The following BRCA1 variants were observed in gnomAD, a reference collection of about 807,000 sequenced individuals.
The protein encoded by BRCA1 is breast cancer type 1 susceptibility protein.
BRCA1 carries 140 observed loss-of-function variants against 173.7 expected under a neutral mutation model. That is an observed-to-expected ratio of 0.81 (90% CI 0.70 to 0.93). The LOEUF (loss-of-function observed/expected upper bound fraction) is 0.93, where lower values mean the gene tolerates loss of function less well. BRCA1 is among the 40% of genes least tolerant of loss of function. BRCA1 has a pLI of 0.00. For missense variants in BRCA1, 1,983 were observed against 2,172.5 expected (o/e 0.91, Z 1.73); for synonymous variants, 662 against 756.0 (o/e 0.88, Z 2.04).
intron 12 of BRCA1, among the ~76,000 whole-genome samples, chr17:43,081,707 C>A (rs1303896858): frequency 6.6e-6 from 1 of 152,174 alleles, no homozygotes; most frequent in South Asian, 2.1e-4. Flanking sequence ...TTCCATCTCA[C>A]TTTCCTTCAT....
Position 43,093,184 on chromosome 17 carries a change from T to C in BRCA1, c.2347A>G (p.Ile783Val), listed in dbSNP as rs80356948. 1.1e-5 allele frequency: 18 copies of C among 1,613,836 alleles called. No homozygotes were observed. The East Asian group carries it at 3.6e-4, about 32-fold the overall frequency. The change falls in exon 10 of 23, where the codon ATC (isoleucine) becomes GTC (valine). Residue 783 changes from isoleucine to valine, a missense_variant. By Grantham distance (29) the Ile-to-Val change is conservative (BLOSUM62 3). Transcript: ENST00000357654. ...PGTDYGTQESISLLEVSTLGK... is the reference protein window; with the variant it reads ...PGTDYGTQESVSLLEVSTLGK... ...AGAGTGCTAACTTCCAGTAACGAGA[T>C]ACTTTCCTGAGTGCCATAATCAGTA...
intron 3 of BRCA1, among the ~76,000 whole-genome samples, chr17:43,107,209 C>T (rs1175335600): frequency 7.3e-5 from 11 of 151,530 alleles, no homozygotes; most frequent in Admixed American, 5.3e-4. Flanking sequence ...GGACTACAGG[C>T]GCCCAGCACC....
At chr17:43,068,124 A>C (rs1296013437) in intron 15 of BRCA1, among the ~76,000 whole-genome samples, 3 of 151,774 alleles carry the variant, frequency 2.0e-5, no homozygotes, top group Admixed American at 2.0e-4. Flanking sequence ...AAAAATACAA[A>C]AAATTAGCCA....
chr17:43,107,490 C>T (rs1021363762), intron 3 of BRCA1, among the ~76,000 whole-genome samples: 6 of 151,216 alleles, frequency 4.0e-5, no homozygotes, highest in Admixed American at 6.6e-5. Flanking sequence ...AAGCAATTCT[C>T]GTGCCTCAGC....
At chr17:43,055,207 GGCTAAGTCATCT>G (rs1411280876) in intron 19 of BRCA1, among the ~76,000 whole-genome samples, 5 of 152,342 alleles carry the variant, frequency 3.3e-5, no homozygotes, top group Admixed American at 2.6e-4. Context: ...TCAGAGTTCT[GGCTAAGTCATCT>G]GCTACAATAT....
intron 15 of BRCA1, among the ~76,000 whole-genome samples, chr17:43,068,006 G>A (rs8176232): frequency 9.6e-4 from 145 of 151,568 alleles, no homozygotes; most frequent in African/African-American, 3.1e-3. Context: ...GGCTGGGCGC[G>A]GTGGCTCACG....
At position 43,143,378 on chromosome 17, in the gene BRCA1, A is replaced by G. The variant is rs1298935952; in HGVS notation, c.-19-19263T>C. On this transcript the variant is annotated intron_variant, in intron 1 of 7. Transcript: ENST00000634433. The stretch of plus-strand genomic sequence containing the variant: ...AAAGAACAGGTGTCTTTTGTCTGAC[A>G]TCAGCAAACTCATGGAAACCGATGG... 2.0e-5 allele frequency among the ~76,000 whole-genome samples: 3 copies of G among 152,158 alleles called. No homozygotes were observed. The East Asian group carries it at 5.8e-4, about 29-fold the overall frequency.
intron 1 of BRCA1, chr17:43,166,343 A>T (rs982333637): frequency 6.6e-6 from 1 of 152,286 alleles, no homozygotes; most frequent in African/African-American, 2.4e-5. Flanking sequence ...GGGGGTCTAA[A>T]ACCAGCTCTA....
At chr17:43,154,289 G>T (rs1444077321) in intron 1 of BRCA1, among the ~76,000 whole-genome samples, 1 of 151,820 alleles carries the variant, frequency 6.6e-6, no homozygotes, top group Non-Finnish European at 1.5e-5. Context: ...TTCGAGACCA[G>T]CCTGGCCAAC....
rs765729710 is a variant in BRCA1 at position 43,091,593 on chromosome 17, T to C, written c.3938A>G (p.Gln1313Arg). ...LEDLTANTNTQDPFLIGSSKQ... is the reference protein window; with the variant it reads ...LEDLTANTNTRDPFLIGSSKQ... Reference sequence around the variant, plus strand: ...GGAAGAACCAATCAAGAAAGGATCCTGGGTGTTTGTATTTGCAGTCAAGTC... The same window carrying C: ...GGAAGAACCAATCAAGAAAGGATCCCGGGTGTTTGTATTTGCAGTCAAGTC... Residue 1313 changes from glutamine to arginine, a missense_variant, in exon 10 of 23, where the codon CAG (glutamine) becomes CGG (arginine). Physicochemically the swap from Gln to Arg is conservative, Grantham distance 43 (BLOSUM62 1). Transcript: ENST00000357654. The C allele has an allele frequency of 2.5e-6, 4 of 1,614,214 alleles. No individual in the cohort carries two copies. Among genetic ancestry groups the C allele is most frequent in the African/African-American group, 1.3e-5 (1 of 75,048 alleles).
rs80356854 is a variant in BRCA1, at chr17:43,057,052, C to T, written c.5277G>A (p.Lys1759=). The part of the protein sequence containing the change: ...PKRARESQDR[K]IFRGLEICCY... ...GTCAACTTGAGGGAGGGAGCTTTAC[C>T]TTTCTGTCCTGGGATTCTCTTGCTC... The change falls in exon 19 of 23, where the codon AAG becomes AAA. Residue 1759 remains lysine, a splice_region_variant and synonymous_variant. Transcript: ENST00000357654. The T allele has an allele frequency of 3.7e-6, 6 of 1,613,962 alleles. No individual in the cohort carries two copies. The South Asian group carries it at 6.6e-5, about 18-fold the overall frequency.
At position 43,093,680 on chromosome 17, in the gene BRCA1, G is replaced by C. The variant is rs1555591097; in HGVS notation, c.1851C>G (p.Thr617=). The C allele has an allele frequency of 6.2e-7, 1 of 1,614,044 alleles. No homozygotes were observed. The highest frequency in any genetic ancestry group is 8.5e-7 in the Non-Finnish European group (1 of 1,179,996). ...KKNRLRRKSS[T]RHIHALELVV... ...CTAGTTCAAGCGCATGAATATGCCT[G>C]GTAGAAGACTTCCTCCTCAGCCTAT... Residue 617 remains threonine, a synonymous_variant, in exon 10 of 23, where the codon ACC becomes ACG. Transcript: ENST00000357654.
intron 14 of BRCA1, among the ~76,000 whole-genome samples, chr17:43,072,718 C>A (rs570578083): frequency 6.6e-6 from 1 of 151,810 alleles, no homozygotes; most frequent in African/African-American, 2.4e-5. Context: ...GCATAAGCCA[C>A]CAAGCCTGGC....
intron 1 of BRCA1, chr17:43,138,343 T>C: frequency 2.3e-6 from 1 of 437,468 alleles, no homozygotes; most frequent in Non-Finnish European, 4.2e-6. Flanking sequence ...AGTGAAAACA[T>C]TCCAGAACAA....
chr17:43,111,737 G>T (rs1019962519), intron 3 of BRCA1, among the ~76,000 whole-genome samples: 3 of 152,030 alleles, frequency 2.0e-5, no homozygotes, highest in African/African-American at 7.2e-5. Context: ...CAGGAGAATG[G>T]TGTGAACCCG....
At chr17:43,135,875 C>T (rs2056017212) in intron 1 of BRCA1, among the ~76,000 whole-genome samples, 1 of 152,222 alleles carries the variant, frequency 6.6e-6, no homozygotes, top group Admixed American at 6.5e-5. Context: ...GCGGTCCCGC[C>T]TCCCATCCCC....
At chr17:43,137,283 G>T (rs1294375785) in intron 1 of BRCA1, among the ~76,000 whole-genome samples, 1 of 117,466 alleles carries the variant, frequency 8.5e-6, no homozygotes, top group Non-Finnish European at 1.7e-5. Context: ...ATTGTGGGGT[G>T]GGGGGAGGGG....
Position 43,094,815 on chromosome 17 carries a change from T to C in BRCA1, c.716A>G (p.His239Arg), listed in dbSNP as rs80357396. 5 of 1,613,714 alleles carry C rather than the reference T, an allele frequency of 3.1e-6. No individual in the cohort carries two copies. The highest frequency in any genetic ancestry group is 4.2e-6 in the Non-Finnish European group (5 of 1,179,908). ...GTTCAAATCATTATTACTGGGTTGA[T>C]GATGTTCAGTATTTGTTACATCCGT... ...SETDVTNTEH[H>R]QPSNNDLNTT... is the part of the protein sequence containing the mutation. The change falls in exon 10 of 23, where the codon CAT (histidine) becomes CGT (arginine). Residue 239 changes from histidine (H) to arginine (R), a missense_variant. Transcript: ENST00000357654.
chr17:43,139,177 C>CT (rs34960683), intron 1 of BRCA1, among the ~76,000 whole-genome samples: 87 of 137,728 alleles, frequency 6.3e-4, no homozygotes, highest in Middle Eastern at 7.5e-3. Flanking sequence ...GGAGCATTGT[C>CT]TTTTTTTTTT....
Sources: allele counts gnomAD v4.1 joint callset (sites outside exome capture counted in the v4.1 genomes callset), GRCh38; gene constraint gnomAD v4.1.1; transcripts MANE v1.5; gene names NCBI Gene and HGNC (gene_info 2026-07-23, HGNC 2026-07-21).